Variants in PWWP2B observed in about 807,000 individuals in gnomAD.
PWWP2B encodes the protein PWWP domain-containing protein 2B.
Under a neutral mutation model 15.5 loss-of-function variants are expected in PWWP2B, and 9 were observed. That is an observed-to-expected ratio of 0.58 (90% confidence interval 0.35 to 1.02). The LOEUF (loss-of-function observed/expected upper bound fraction) is 1.02, where lower values mean the gene tolerates loss of function less well. Ranked by LOEUF, PWWP2B falls within the 50% of genes least tolerant of loss-of-function variation. The pLI is 0.02. For synonymous variants in PWWP2B, 474 were observed against 403.6 expected (o/e 1.17, Z -2.09); for missense variants, 864 against 865.3 (o/e 1.00, Z 0.02).
intron 2 of PWWP2B, among the ~76,000 whole-genome samples, chr10:132,413,627 G>C (rs1459209839): frequency 6.6e-6 from 1 of 152,232 alleles, no homozygotes; most frequent in Non-Finnish European, 1.5e-5. Flanking sequence ...TCCCGTCCTG[G>C]TCTCCCCGGC....
In PWWP2B at chr10:132,397,297, C is replaced by T; in HGVS notation, c.71C>T (p.Thr24Met). The T allele has an allele frequency of 1.4e-6, 2 of 1,426,960 alleles. No homozygotes were observed. The highest frequency in any genetic ancestry group is 3.0e-5 in the South Asian group (2 of 66,082). 88.4% of individuals were successfully genotyped at this position (1,426,960 alleles called of 1,614,324 possible). ...EQVVNGALVVTVSCGERSFAG... is the reference protein window; with the variant it reads ...EQVVNGALVVMVSCGERSFAG... ...GTCGTCAACGGCGCGCTGGTGGTCA[C>T]GGTGAGCTGCGGCGAGCGGAGCTTC... Residue 24 changes from threonine to methionine, a missense_variant, in exon 1 of 3, where the codon ACG becomes ATG. Coordinates refer to ENST00000305233, the MANE Select transcript of PWWP2B (RefSeq NM_138499.4).
At chr10:132,407,634 C>T (rs1278451852) in intron 2 of PWWP2B, among the ~76,000 whole-genome samples, 1 of 152,208 alleles carries the variant, frequency 6.6e-6, no homozygotes, top group African/African-American at 2.4e-5. Context: ...CTGGCCTCAC[C>T]CCCTCCCTCC....
At chr10:132,413,014 G>A (rs2069802249) in intron 2 of PWWP2B, among the ~76,000 whole-genome samples, 1 of 152,220 alleles carries the variant, frequency 6.6e-6, no homozygotes, top group Non-Finnish European at 1.5e-5. Flanking sequence ...CTTTGCCCCC[G>A]CCGTGCCACG....
intron 1 of PWWP2B, among the ~76,000 whole-genome samples, 195 bp downstream of exon 1, chr10:132,397,546 C>G (rs1308633324): frequency 6.8e-6 from 1 of 146,546 alleles, no homozygotes; most frequent in Non-Finnish European, 1.5e-5. Flanking sequence ...TTCTCAAAGT[C>G]GTCGCGACTT....
At chr10:132,400,304 T>C (rs565518845) in intron 1 of PWWP2B, among the ~76,000 whole-genome samples, 3 of 152,188 alleles carry the variant, frequency 2.0e-5, no homozygotes, top group African/African-American at 7.2e-5. Flanking sequence ...GGATGGCATC[T>C]GAGTGAGTGG....
Position 132,397,384 on chromosome 10 carries a change from G to C in PWWP2B, c.125+33G>C, listed in dbSNP as rs2069551483. On this transcript the variant is annotated intron_variant, in intron 1 of 2. Transcript: ENST00000305233. ...GGGGCGCGGGCCGGGACACCCCCGG[G>C]GTCCCCACGCGACACCCGCCTCCGC... 4.9e-6 allele frequency: 6 copies of C among 1,214,842 alleles called. No homozygotes were observed. The Admixed American group carries it at 2.1e-4, about 43-fold the overall frequency. 75.3% of individuals were successfully genotyped at this position (1,214,842 alleles called of 1,614,324 possible). A position where few individuals can be genotyped will look rare whatever the true frequency, so the allele number is the denominator to read the frequency against.
chr10:132,414,909 G>C (rs1564878362), intron 2 of PWWP2B, among the ~76,000 whole-genome samples: 1 of 152,198 alleles, frequency 6.6e-6, no homozygotes, highest in Non-Finnish European at 1.5e-5. Flanking sequence ...TTGGGCTGGG[G>C]ACTGTGTCAG....
At chr10:132,415,026 T>C (rs1463765208) in intron 2 of PWWP2B, among the ~76,000 whole-genome samples, 1 of 152,222 alleles carries the variant, frequency 6.6e-6, no homozygotes, top group Non-Finnish European at 1.5e-5. Context: ...ATGTACAATT[T>C]TTACAAGTCC....
intron 1 of PWWP2B, among the ~76,000 whole-genome samples, chr10:132,401,335 G>A (rs1590755947): frequency 6.6e-6 from 1 of 152,074 alleles, no homozygotes; most frequent in Admixed American, 6.5e-5. Flanking sequence ...CCCTGAGCTC[G>A]CAAGGATGTC....
rs1375339808 is a variant in PWWP2B at position 132,404,353 on chromosome 10, G to A, written c.126-273G>A. 3.3e-5 allele frequency among the ~76,000 whole-genome samples: 5 copies of A among 152,152 alleles called. No homozygotes were observed. The East Asian group carries it at 9.6e-4, about 29-fold the overall frequency. ...ATGGACTGAGATTCGGAGCCTCTGG[G>A]CCTGTCTCTGGCCAGGGAAGCAGCT... On this transcript the variant is annotated intron_variant, in intron 1 of 2. Coordinates refer to ENST00000305233, the MANE Select transcript of PWWP2B (RefSeq NM_138499.4).
rs1590759936 is a variant in PWWP2B at position 132,405,317 on chromosome 10, G to A, written c.817G>A (p.Val273Met). ...KGEVVKIPSR[V>M]HGSLEPFRPQ... is the part of the protein sequence containing the mutation. ...AGAGGTGGTCAAGATCCCCTCCCGCGTGCACGGCTCTCTGGAGCCCTTCCG... is the reference window on the plus strand; with the variant it reads ...AGAGGTGGTCAAGATCCCCTCCCGCATGCACGGCTCTCTGGAGCCCTTCCG... Residue 273 changes from valine (V) to methionine (M), a missense_variant, in exon 2 of 3, where the codon GTG becomes ATG. This residue lies in a region of PWWP2B where 736 missense variants were observed against 687.7 expected (regional missense o/e 1.07). Coordinates refer to ENST00000305233, the MANE Select transcript of PWWP2B (RefSeq NM_138499.4). 1.9e-6 allele frequency: 3 copies of A among 1,612,190 alleles called. No individual in the cohort carries two copies. The highest frequency in any genetic ancestry group is 2.5e-6 in the Non-Finnish European group (3 of 1,179,710).
chr10:132,397,857 G>A (rs549255990), intron 1 of PWWP2B, among the ~76,000 whole-genome samples: 15 of 152,268 alleles, frequency 9.9e-5, no homozygotes, highest in Non-Finnish European at 1.9e-4. Flanking sequence ...TGCGATTTAA[G>A]AACAGTTTCA....
chr10:132,398,940 G>A (rs2133143695), intron 1 of PWWP2B, among the ~76,000 whole-genome samples: 1 of 111,090 alleles, frequency 9.0e-6, no homozygotes, highest in African/African-American at 3.5e-5. Flanking sequence ...CCTGAGGCTT[G>A]TCCTGGAAGG....
rs531675677 is a variant in PWWP2B at position 132,404,547 on chromosome 10, C to T, written c.126-79C>T. The T allele has an allele frequency of 5.5e-4, 694 of 1,257,584 alleles. 5 individuals carry two copies. In the South Asian group the frequency reaches 8.3e-3, roughly 15 times the overall value. 77.9% of individuals were successfully genotyped at this position (1,257,584 alleles called of 1,614,324 possible). ...GACCTGCCGGAGCATGGGTCGGGGGCCTTGGCTCTGGGGGCTGGTGCGGGT... is the reference window on the plus strand; with the variant it reads ...GACCTGCCGGAGCATGGGTCGGGGGTCTTGGCTCTGGGGGCTGGTGCGGGT... On this transcript the variant is annotated intron_variant, in intron 1 of 2. Coordinates refer to ENST00000305233, the MANE Select transcript of PWWP2B (RefSeq NM_138499.4).
At chr10:132,411,099 G>A (rs1262337493) in intron 2 of PWWP2B, among the ~76,000 whole-genome samples, 1 of 152,208 alleles carries the variant, frequency 6.6e-6, no homozygotes, top group Non-Finnish European at 1.5e-5. Context: ...TGAGACCACA[G>A]GCGTTTATTC....
chr10:132,403,862 G>GGTGGGCAGGGAGGACCTTCCAGGGTGT (rs149647663), intron 1 of PWWP2B, among the ~76,000 whole-genome samples: 28,780 of 152,124 alleles, frequency 0.19, 2,970 homozygotes, highest in East Asian at 0.36. Context: ...GAGGGTGCCA[G>GGTGGGCAGGGAGGACCTTCCAGGGTGT]GTGGGCAGAT....
chr10:132,401,296 T>C (rs538292986), intron 1 of PWWP2B, among the ~76,000 whole-genome samples: 2 of 152,358 alleles, frequency 1.3e-5, no homozygotes, highest in South Asian at 4.1e-4. Flanking sequence ...TCCCTAGCCC[T>C]TTCTCAAAGC....
chr10:132,416,165 G>C (rs779179798), intron 2 of PWWP2B, among the ~76,000 whole-genome samples: 1 of 152,194 alleles, frequency 6.6e-6, no homozygotes, highest in South Asian at 2.1e-4. Context: ...GTGACTTCTC[G>C]GCGGGGCTGC....
chr10:132,417,351 G>C lies in PWWP2B; in HGVS notation c.*307G>C, dbSNP rs566784917. Reference sequence around the variant, plus strand: ...TGGCTGCTGCTGCCTCGCGCGCTGGGGTTCCATGGAGGAACTGGGCCTGCC... The same window carrying C: ...TGGCTGCTGCTGCCTCGCGCGCTGGCGTTCCATGGAGGAACTGGGCCTGCC... On this transcript the variant is annotated 3_prime_UTR_variant, in exon 3 of 3. Transcript: ENST00000305233. 20 of 511,390 alleles carry C rather than the reference G, an allele frequency of 3.9e-5. No individual in the cohort carries two copies. The highest frequency in any genetic ancestry group is 3.7e-4 in the African/African-American group (19 of 50,928). The allele number at this position is 511,390 out of a possible 1,614,324, so 31.7% of individuals were successfully genotyped here.
Sources: allele counts gnomAD v4.1 joint callset (sites outside exome capture counted in the v4.1 genomes callset), GRCh38; gene constraint gnomAD v4.1.1; regional missense constraint gnomAD v4.1.1; transcripts MANE v1.5; gene names NCBI Gene and HGNC (gene_info 2026-07-23, HGNC 2026-07-21).